ARB2A: variants seen among roughly 807,000 people sequenced by gnomAD.
ARB2A encodes ARB2 cotranscriptional regulator A.
chr5:93,815,204 A>G, the ARB2A span, among the ~76,000 whole-genome samples: 2 of 152,192 alleles, frequency 1.3e-5, no homozygotes, highest in Non-Finnish European at 2.9e-5. Flanking sequence ...ATTGTAAGCT[A>G]AATTCATTCA....
At chr5:93,858,980 G>A in the ARB2A span, among the ~76,000 whole-genome samples, 1 of 152,092 alleles carries the variant, frequency 6.6e-6, no homozygotes, top group Admixed American at 6.6e-5. Context: ...AGATTAAAAT[G>A]AGACACTTCC....
the ARB2A span, among the ~76,000 whole-genome samples, chr5:93,665,329 T>A: frequency 6.6e-6 from 1 of 152,154 alleles, no homozygotes; most frequent in African/African-American, 2.4e-5. Flanking sequence ...AGATAAGAGA[T>A]TCTGTAGCTT....
At chr5:94,027,339 A>C in the ARB2A span, among the ~76,000 whole-genome samples, 2 of 152,194 alleles carry the variant, frequency 1.3e-5, no homozygotes, top group African/African-American at 2.4e-5. Flanking sequence ...AATGGGGGCC[A>C]GTCACCAGAA....
At chr5:94,106,457 T>C in the ARB2A span, among the ~76,000 whole-genome samples, 1 of 151,912 alleles carries the variant, frequency 6.6e-6, no homozygotes. Flanking sequence ...AGGGCTATTG[T>C]TAAAAAGTCA....
chr5:93,620,866 CG>C, the ARB2A span: 1 of 1,374,952 alleles, frequency 7.3e-7, no homozygotes, highest in Middle Eastern at 1.9e-4. Flanking sequence ...GTATATATCA[CG>C]ACCCTGGGCT....
At chr5:93,923,386 C>T in the ARB2A span, among the ~76,000 whole-genome samples, 1 of 152,028 alleles carries the variant, frequency 6.6e-6, no homozygotes, top group Non-Finnish European at 1.5e-5. Context: ...TGCATATAAC[C>T]CCTTAACTCC....
the ARB2A span, among the ~76,000 whole-genome samples, chr5:93,646,707 T>G: frequency 6.6e-6 from 1 of 152,058 alleles, no homozygotes; most frequent in Non-Finnish European, 1.5e-5. Context: ...AATCATAAAA[T>G]TTAGTGATAC....
chr5:93,923,670 C>T, the ARB2A span, among the ~76,000 whole-genome samples: 2 of 152,006 alleles, frequency 1.3e-5, no homozygotes, highest in Non-Finnish European at 2.9e-5. Context: ...ATCAGCCAGG[C>T]GTGGTGTTGG....
At chr5:93,965,801 T>C in the ARB2A span, among the ~76,000 whole-genome samples, 1 of 152,074 alleles carries the variant, frequency 6.6e-6, no homozygotes, top group South Asian at 2.1e-4. Context: ...TGGTGCTGTA[T>C]TCGTAATCTA....
chr5:93,702,892 T>C, the ARB2A span, among the ~76,000 whole-genome samples: 27,900 of 152,162 alleles, frequency 0.18, 2,902 homozygotes, highest in Middle Eastern at 0.28. Flanking sequence ...TTTCTCCATT[T>C]GTTTGCTCTA....
the ARB2A span, among the ~76,000 whole-genome samples, chr5:93,644,633 T>C: frequency 1.3e-5 from 2 of 152,206 alleles, no homozygotes; most frequent in African/African-American, 4.8e-5. Flanking sequence ...TATGTTTCCA[T>C]TAAATTTCTG....
At chr5:94,018,061 A>C in the ARB2A span, among the ~76,000 whole-genome samples, 1 of 152,136 alleles carries the variant, frequency 6.6e-6, no homozygotes. Context: ...CATGATTCTG[A>C]GGCCTGCCCA....
At chr5:93,986,295 C>G in the ARB2A span, among the ~76,000 whole-genome samples, 127 of 151,560 alleles carry the variant, frequency 8.4e-4, no homozygotes, top group African/African-American at 2.9e-3. Context: ...GGGGGCGCCC[C>G]CGCCCAGCAG....
chr5:93,760,096 C>T, the ARB2A span, among the ~76,000 whole-genome samples: 1 of 152,148 alleles, frequency 6.6e-6, no homozygotes, highest in African/African-American at 2.4e-5. Flanking sequence ...CTTCTATACA[C>T]CAACAGCGAC....
the ARB2A span, among the ~76,000 whole-genome samples, chr5:93,648,806 T>C: frequency 1.3e-5 from 2 of 152,200 alleles, no homozygotes; most frequent in Non-Finnish European, 2.9e-5. Context: ...TTAACTTTAA[T>C]TTGTCCCGAT....
the ARB2A span, among the ~76,000 whole-genome samples, chr5:93,723,393 A>T: frequency 6.6e-6 from 1 of 152,152 alleles, no homozygotes; most frequent in African/African-American, 2.4e-5. Flanking sequence ...GAGAAAGGTT[A>T]TCTCTAATAG....
chr5:94,045,455 T>A, the ARB2A span, among the ~76,000 whole-genome samples: 1 of 152,192 alleles, frequency 6.6e-6, no homozygotes, highest in East Asian at 1.9e-4. Flanking sequence ...CCACATATAG[T>A]CTATTTTTAT....
At chr5:93,692,936 C>G in the ARB2A span, among the ~76,000 whole-genome samples, 1 of 152,160 alleles carries the variant, frequency 6.6e-6, no homozygotes, top group South Asian at 2.1e-4. Context: ...ACTGAACAAC[C>G]TGCTCCTGAA....
At chr5:93,934,772 C>T in the ARB2A span, among the ~76,000 whole-genome samples, 450 of 152,260 alleles carry the variant, frequency 3.0e-3, 1 homozygote, top group Non-Finnish European at 4.6e-3. Flanking sequence ...CAGCCATACT[C>T]AGGGGGAAAG....
Sources: gnomAD v4.1 joint callset for allele counts (sites outside exome capture counted in the v4.1 genomes callset) on GRCh38, gnomAD v4.1.1 for gene constraint, MANE v1.5 for transcripts, NCBI Gene and HGNC (gene_info 2026-07-23, HGNC 2026-07-21) for gene names.